Variants in FMN1 observed in about 807,000 individuals in gnomAD.
FMN1 encodes the protein formin-1.
Under a neutral mutation model 132.4 loss-of-function variants are expected in FMN1, and 110 were observed. The ratio of observed to expected loss-of-function variants is 0.83; its 90% CI spans 0.71 to 0.97. The LOEUF is 0.97. Ranked by LOEUF, FMN1 falls within the 50% of genes least tolerant of loss-of-function variation. The pLI, the probability that FMN1 is intolerant of heterozygous loss-of-function variation, is 0.00. For missense variants in FMN1, 1,792 were observed against 1,705.3 expected, an observed-to-expected ratio of 1.05 and a Z score of -0.90; for synonymous variants, 722 against 651.7, an observed-to-expected ratio of 1.11 and a Z score of -1.64.
chr15:33,135,849 C>T (rs1595551167), intron 4 of FMN1, among the ~76,000 whole-genome samples: 1 of 152,118 alleles, frequency 6.6e-6, no homozygotes, highest in Non-Finnish European at 1.5e-5. Context: ...ACCCACATGC[C>T]CTGCTGTACA....
At chr15:32,859,408 C>G (rs1044388739) in intron 16 of FMN1, among the ~76,000 whole-genome samples, 1 of 152,192 alleles carries the variant, frequency 6.6e-6, no homozygotes, top group African/African-American at 2.4e-5. Context: ...TCAATGTTTT[C>G]CAGTTACATT....
chr15:33,105,348 T>A (rs2039444695), intron 4 of FMN1, among the ~76,000 whole-genome samples: 1 of 152,226 alleles, frequency 6.6e-6, no homozygotes, highest in African/African-American at 2.4e-5. Flanking sequence ...TTGCAATTAA[T>A]AGCTAGCATA....
intron 4 of FMN1, among the ~76,000 whole-genome samples, chr15:33,133,014 TA>T (rs1963613752): frequency 6.6e-6 from 1 of 152,212 alleles, no homozygotes. Context: ...CCTCGCTTTG[TA>T]AAACCCAGGC....
intron 5 of FMN1, 107 bp downstream of exon 5, chr15:33,088,692 C>G: frequency 1.0e-6 from 1 of 959,376 alleles, no homozygotes; most frequent in South Asian, 2.3e-5. Context: ...AACAATGATC[C>G]ATACATTAAA....
chr15:33,061,022 G>T (rs2037458306), intron 6 of FMN1, among the ~76,000 whole-genome samples: 1 of 152,200 alleles, frequency 6.6e-6, no homozygotes, highest in African/African-American at 2.4e-5. Context: ...GCTTTCGGTT[G>T]AGTGTTCGGA....
chr15:33,082,225 G>A (rs573060134), intron 5 of FMN1, among the ~76,000 whole-genome samples: 10 of 151,652 alleles, frequency 6.6e-5, no homozygotes, highest in East Asian at 3.9e-4. Context: ...GGCGCCCACC[G>A]CCACGGTCGG....
chr15:33,128,870 CGT>C (rs574401049), intron 4 of FMN1, among the ~76,000 whole-genome samples: 56 of 152,300 alleles, frequency 3.7e-4, no homozygotes, highest in African/African-American at 1.2e-3. Flanking sequence ...CAGAGGCCTG[CGT>C]GCGTGGCCAG....
rs1002692658 is a variant in FMN1, at chr15:32,767,678, T to G, written c.*6632A>C. ...TATTAATGCATACTCTCTTTGAAGA[T>G]AAGACATCTAGCTGACAGTAGGGTC... On this transcript the variant is annotated 3_prime_UTR_variant, in exon 21 of 21. Coordinates refer to ENST00000616417, the MANE Select transcript of FMN1 (RefSeq NM_001277313.2). 6.6e-6 allele frequency: 1 copy of G among 152,250 alleles called. No individual in the cohort carries two copies. The highest frequency in any genetic ancestry group is 1.5e-5 in the Non-Finnish European group (1 of 68,036). 9.4% of individuals were successfully genotyped at this position (152,250 alleles called of 1,614,324 possible). A position where few individuals can be genotyped will look rare whatever the true frequency, so the allele number is the denominator to read the frequency against.
intron 17 of FMN1, among the ~76,000 whole-genome samples, chr15:32,829,322 A>G (rs1270651784): frequency 6.6e-6 from 1 of 152,208 alleles, no homozygotes; most frequent in Non-Finnish European, 1.5e-5. Context: ...AGTTCTGTCA[A>G]CCTTACAGCT....
At chr15:32,962,430 G>C (rs1596352066) in intron 9 of FMN1, among the ~76,000 whole-genome samples, 1 of 151,822 alleles carries the variant, frequency 6.6e-6, no homozygotes, top group African/African-American at 2.4e-5. Context: ...ACATAGGCAT[G>C]GGCAACGACT....
chr15:33,067,427 C>T lies in FMN1; in HGVS notation c.2044-2353G>A, dbSNP rs1387363583. 1.9e-6 allele frequency: 3 copies of T among 1,614,038 alleles called. 1 individual carries two copies. Among genetic ancestry groups the T allele is most frequent in the South Asian group, 2.2e-5 (2 of 91,084 alleles). On this transcript the variant is annotated intron_variant, in intron 5 of 20. Transcript: ENST00000616417. ...GCTTCCCTCCTCTGGCTCCTGGCCA[C>T]CATCATCAGAGTCAGAATCACTGGT...
At chr15:32,861,232 T>G (rs891894472) in intron 16 of FMN1, among the ~76,000 whole-genome samples, 2 of 152,196 alleles carry the variant, frequency 1.3e-5, no homozygotes, top group Non-Finnish European at 2.9e-5. Flanking sequence ...AATAACTCCT[T>G]CAAGGTTACT....
At chr15:32,876,230 A>C (rs2059634387) in intron 16 of FMN1, among the ~76,000 whole-genome samples, 1 of 152,148 alleles carries the variant, frequency 6.6e-6, no homozygotes, top group Non-Finnish European at 1.5e-5. Context: ...TTTTTATTGA[A>C]ATTATGTAAT....
At chr15:32,873,885 T>C (rs1280068729) in intron 16 of FMN1, among the ~76,000 whole-genome samples, 1 of 152,116 alleles carries the variant, frequency 6.6e-6, no homozygotes, top group Non-Finnish European at 1.5e-5. Flanking sequence ...TTGGGATGAG[T>C]CAGGTATATG....
intron 4 of FMN1, among the ~76,000 whole-genome samples, chr15:33,094,988 T>C (rs2039028000): frequency 6.6e-6 from 1 of 152,192 alleles, no homozygotes; most frequent in Non-Finnish European, 1.5e-5. Context: ...AGATAATAAA[T>C]GCTCAAAACA....
chr15:32,945,040 CAGTT>C (rs1394791682), intron 9 of FMN1, among the ~76,000 whole-genome samples: 10 of 152,126 alleles, frequency 6.6e-5, no homozygotes, highest in Non-Finnish European at 1.2e-4. Context: ...TTCAAGTCAA[CAGTT>C]GGTGACAGTT....
chr15:32,791,785 G>A (rs912056629), intron 19 of FMN1, among the ~76,000 whole-genome samples: 2 of 152,170 alleles, frequency 1.3e-5, no homozygotes, highest in African/African-American at 2.4e-5. Context: ...ATAGGAGGAG[G>A]ATAGTGTTGC....
chr15:33,058,783 T>C (rs1176662255), intron 6 of FMN1, among the ~76,000 whole-genome samples: 2 of 152,184 alleles, frequency 1.3e-5, no homozygotes, highest in Admixed American at 6.5e-5. Context: ...CAAATCATAG[T>C]TGTATACCTT....
chr15:32,945,072 G>A (rs1276568736), intron 9 of FMN1, among the ~76,000 whole-genome samples: 3 of 152,084 alleles, frequency 2.0e-5, no homozygotes. Context: ...TTAGCCCTAG[G>A]AAACTAATAC....
Sources: gnomAD v4.1 joint callset for allele counts (sites outside exome capture counted in the v4.1 genomes callset) on GRCh38, gnomAD v4.1.1 for gene constraint, MANE v1.5 for transcripts, NCBI Gene and HGNC (gene_info 2026-07-23, HGNC 2026-07-21) for gene names.